ASTN2: variants seen among roughly 807,000 people sequenced by gnomAD.
ASTN2 encodes astrotactin-2.
ASTN2 carries 54 observed loss-of-function variants against 139.8 expected under a neutral mutation model. That is an observed-to-expected ratio of 0.39 (90% confidence interval 0.31 to 0.48). The LOEUF is 0.48. Ranked by LOEUF, ASTN2 falls within the 20% of genes least tolerant of loss-of-function variation. The pLI is 0.95. For synonymous variants in ASTN2, 756 were observed against 719.5 expected, an observed-to-expected ratio of 1.05 and a Z score of -0.81; for missense variants, 1,565 against 1,725.1, an observed-to-expected ratio of 0.91 and a Z score of 1.64.
chr9:117,414,273 G>A lies in ASTN2; in HGVS notation c.442+224C>T, dbSNP rs1458062251. Among the ~76,000 whole-genome samples the A allele has an allele frequency of 6.6e-6, 1 of 152,140 alleles. No homozygotes were observed. The highest frequency in any genetic ancestry group is 6.5e-5 in the Admixed American group (1 of 15,286). On this transcript the variant is annotated intron_variant, in intron 1 of 22. Transcript: ENST00000313400. This position sits in a 1 kb window ranked among gnomAD's most constrained non-coding sequence, Gnocchi z 4.2. ...GGCAGAGGGGCAGGTTCCCACTGCG[G>A]GAGGGTTGGCACGCCCCCAGGCTCC... is the stretch of plus-strand genomic sequence containing the variant.
chr9:116,946,719 A>C (rs1443629471), intron 10 of ASTN2, among the ~76,000 whole-genome samples: 1 of 152,050 alleles, frequency 6.6e-6, no homozygotes, highest in African/African-American at 2.4e-5. Flanking sequence ...AAAAAGAGGA[A>C]GGTCTAATCT....
chr9:117,263,099 T>G (rs1833862736), intron 2 of ASTN2, among the ~76,000 whole-genome samples: 1 of 152,218 alleles, frequency 6.6e-6, no homozygotes, highest in Admixed American at 6.5e-5. Context: ...TTGTAAAACT[T>G]TACAGCAATA....
intron 5 of ASTN2, among the ~76,000 whole-genome samples, chr9:117,090,106 G>A (rs1828668672): frequency 6.6e-6 from 1 of 152,150 alleles, no homozygotes; most frequent in Admixed American, 6.5e-5. Context: ...ATCTGAACTA[G>A]CACCTGTTTT....
rs559768353 is a variant in ASTN2, at chr9:116,804,035, C to T, written c.2396+1597G>A. On this transcript the variant is annotated intron_variant, in intron 13 of 22. Coordinates refer to ENST00000313400, the MANE Select transcript of ASTN2 (RefSeq NM_001365068.1). Reference sequence around the variant, plus strand: ...ACTGAGTCATGGATCCACCTGCCAACGATACCTAAAGTGTCAGAGGGGCCA... The same window carrying T: ...ACTGAGTCATGGATCCACCTGCCAATGATACCTAAAGTGTCAGAGGGGCCA... Among the ~76,000 whole-genome samples the T allele has an allele frequency of 3.9e-5, 6 of 152,008 alleles. No individual in the cohort carries two copies. The South Asian group carries it at 6.3e-4, about 16-fold the overall frequency.
chr9:117,016,637 T>TGTAACCTATATATATGTTAC (rs1564385938), intron 6 of ASTN2, among the ~76,000 whole-genome samples: 2 of 23,000 alleles, frequency 8.7e-5, no homozygotes, highest in African/African-American at 2.3e-4. Context: ...TATATATATA[T>TGTAACCTATATATATGTTAC]ATATATATAT....
At chr9:116,694,462 T>TTTTA (rs1385043390) in intron 16 of ASTN2, among the ~76,000 whole-genome samples, 1 of 128,020 alleles carries the variant, frequency 7.8e-6, no homozygotes, top group African/African-American at 3.0e-5. Flanking sequence ...AATTTCTCTT[T>TTTTA]TTTTTTTTTT....
intron 7 of ASTN2, among the ~76,000 whole-genome samples, chr9:116,998,004 T>A (rs1837073590): frequency 6.6e-6 from 1 of 152,222 alleles, no homozygotes; most frequent in South Asian, 2.1e-4. Context: ...ATTTATGAGT[T>A]ACTGACTTGT....
intron 4 of ASTN2, among the ~76,000 whole-genome samples, chr9:117,125,812 G>A (rs545475292): frequency 6.6e-6 from 1 of 150,914 alleles, no homozygotes; most frequent in East Asian, 1.9e-4. Context: ...TGTCCCAAAA[G>A]GATCATTTCA....
chr9:117,233,717 C>T (rs757911433), intron 2 of ASTN2, among the ~76,000 whole-genome samples: 5 of 151,948 alleles, frequency 3.3e-5, no homozygotes, highest in Non-Finnish European at 7.4e-5. Flanking sequence ...AAAGGAATTG[C>T]ACTTATGGCA....
chr9:116,595,409 C>G (rs1682359914), intron 19 of ASTN2, among the ~76,000 whole-genome samples: 1 of 151,786 alleles, frequency 6.6e-6, no homozygotes, highest in South Asian at 2.1e-4. Context: ...CTCACTACAA[C>G]CTCCACCTCC....
intron 4 of ASTN2, among the ~76,000 whole-genome samples, chr9:117,120,024 A>G (rs71495201): frequency 0.14 from 9,617 of 68,542 alleles, 536 homozygotes; most frequent in Non-Finnish European, 0.2. Context: ...GTGTGTATAT[A>G]TATATATATA....
chr9:116,570,323 T>C (rs1478754630), intron 19 of ASTN2, among the ~76,000 whole-genome samples: 4 of 152,192 alleles, frequency 2.6e-5, no homozygotes, highest in East Asian at 1.9e-4. Flanking sequence ...TTCTCTCTTA[T>C]TGTATAAGTT....
At chr9:116,657,998 C>T (rs1245243319) in intron 16 of ASTN2, among the ~76,000 whole-genome samples, 2 of 151,956 alleles carry the variant, frequency 1.3e-5, no homozygotes, top group African/African-American at 4.8e-5. Context: ...AGCAATTCTC[C>T]CTCAGCCTCC....
chr9:117,220,346 A>G (rs1832473676), intron 2 of ASTN2, among the ~76,000 whole-genome samples: 1 of 152,098 alleles, frequency 6.6e-6, no homozygotes. Context: ...CACCCTGGGC[A>G]GTTGGCATCC....
intron 7 of ASTN2, among the ~76,000 whole-genome samples, chr9:116,983,099 G>A (rs1204644413): frequency 6.6e-6 from 1 of 152,120 alleles, no homozygotes; most frequent in Non-Finnish European, 1.5e-5. Flanking sequence ...CACCGGCCAG[G>A]GATGCTGCCT....
At chr9:116,928,289 G>A (rs182819918) in intron 10 of ASTN2, among the ~76,000 whole-genome samples, 1 of 152,234 alleles carries the variant, frequency 6.6e-6, no homozygotes, top group Admixed American at 6.5e-5. Flanking sequence ...CAGCTGAAAT[G>A]CCAGTCAGCT....
chr9:116,851,732 G>T (rs113457949), intron 11 of ASTN2, among the ~76,000 whole-genome samples: 1 of 151,972 alleles, frequency 6.6e-6, no homozygotes, highest in Admixed American at 6.6e-5. Context: ...CAACAAAAAC[G>T]TGAAGGTCAG....
intron 4 of ASTN2, among the ~76,000 whole-genome samples, chr9:117,119,490 G>A (rs1205519296): frequency 6.6e-6 from 1 of 152,032 alleles, no homozygotes; most frequent in Non-Finnish European, 1.5e-5. Flanking sequence ...ACCCTCTCCA[G>A]CACCTCCTTC....
At chr9:117,352,007 T>C (rs1161243689) in intron 1 of ASTN2, among the ~76,000 whole-genome samples, 2 of 152,184 alleles carry the variant, frequency 1.3e-5, no homozygotes, top group African/African-American at 2.4e-5. Context: ...TTACTATTAA[T>C]ATCTTTTTAA....
Sources: gnomAD v4.1 joint callset for allele counts (sites outside exome capture counted in the v4.1 genomes callset) on GRCh38, gnomAD v4.1.1 for gene constraint, Gnocchi (gnomAD v3.1) non-coding constraint, MANE v1.5 for transcripts, NCBI Gene and HGNC (gene_info 2026-07-23, HGNC 2026-07-21) for gene names.